Variants in CSNK2A1 observed in about 807,000 individuals in gnomAD.
CSNK2A1 encodes the protein casein kinase II subunit alpha.
Under a neutral mutation model 62.9 loss-of-function variants are expected in CSNK2A1, and 10 were observed. That is an observed-to-expected ratio of 0.16 (90% CI 0.10 to 0.27). The LOEUF (loss-of-function observed/expected upper bound fraction) is 0.27. Among genes scored for constraint, CSNK2A1 ranks in the 10% least tolerant of loss-of-function variants. CSNK2A1 has a pLI of 1.00. For missense variants in CSNK2A1, 160 were observed against 492.0 expected (o/e 0.33, Z 6.38); for synonymous variants, 124 against 167.8 (o/e 0.74, Z 2.02).
Position 476,337 on chromosome 20 carries a change from T to A in CSNK2A1, c.*7624A>T, listed in dbSNP as rs1307018942. 1.3e-5 allele frequency: 2 copies of A among 152,266 alleles called. No individual in the cohort carries two copies. The highest frequency in any genetic ancestry group is 2.9e-5 in the Non-Finnish European group (2 of 68,084). The allele number at this position is 152,266 out of a possible 1,614,324, so 9.4% of individuals were successfully genotyped here. A position where few individuals can be genotyped will look rare whatever the true frequency, so the allele number is the denominator to read the frequency against. On this transcript the variant is annotated 3_prime_UTR_variant, in exon 14 of 14. Coordinates refer to ENST00000217244, the MANE Select transcript of CSNK2A1 (RefSeq NM_177559.3). ...ACACTGACGTGATCTCAGCTCACTGTAACCGCCACCTCCCAGGCTCAAGCA... is the reference window on the plus strand; with the variant it reads ...ACACTGACGTGATCTCAGCTCACTGAAACCGCCACCTCCCAGGCTCAAGCA...
intron 4 of CSNK2A1, chr20:503,153 T>C (rs1316489173): frequency 4.1e-6 from 1 of 243,210 alleles, no homozygotes; most frequent in African/African-American, 2.2e-5. Flanking sequence ...TTGATCCTTT[T>C]TGTTTTTTGA....
At chr20:494,024 A>ATTTTTTTTTTTTTTTTTTTTTTTTTTT (rs1001498563) in intron 8 of CSNK2A1, 1 of 120,696 alleles carries the variant, frequency 8.3e-6, no homozygotes, top group Non-Finnish European at 1.7e-5. Flanking sequence ...ACTTTTCCCC[A>ATTTTTTTTTTTTTTTTTTTTTTTTTTT]TTTTTTTTTT....
intron 8 of CSNK2A1, among the ~76,000 whole-genome samples, chr20:493,761 A>T (rs1444907349): frequency 6.6e-6 from 1 of 152,180 alleles, no homozygotes; most frequent in Non-Finnish European, 1.5e-5. Context: ...CACCACACAC[A>T]TGTCCTGTGT....
intron 2 of CSNK2A1, among the ~76,000 whole-genome samples, chr20:523,797 T>G (rs916569812): frequency 5.0e-5 from 7 of 140,230 alleles, no homozygotes; most frequent in Non-Finnish European, 1.1e-4. Flanking sequence ...AGGCTGAGCT[T>G]GCAGTGAGCT....
In CSNK2A1 at chr20:474,606, T is replaced by A. The variant is rs1012192103; in HGVS notation, c.*9355A>T. The stretch of plus-strand genomic sequence containing the variant: ...TACTGCTACTATCTTAACAATAATT[T>A]AAAAAATCTCAAAATAACATGCAAC... On this transcript the variant is annotated 3_prime_UTR_variant, in exon 14 of 14. Transcript: ENST00000217244. The A allele has an allele frequency of 3.3e-5, 5 of 152,242 alleles. No individual in the cohort carries two copies. The highest frequency in any genetic ancestry group is 4.8e-5 in the African/African-American group (2 of 41,464). 9.4% of individuals were successfully genotyped at this position (152,242 alleles called of 1,614,324 possible). A position where few individuals can be genotyped will look rare whatever the true frequency, so the allele number is the denominator to read the frequency against.
At chr20:542,786 C>T (rs996017810) in intron 1 of CSNK2A1, among the ~76,000 whole-genome samples, 2 of 152,082 alleles carry the variant, frequency 1.3e-5, no homozygotes, top group Non-Finnish European at 2.9e-5. Context: ...AATTAAACAG[C>T]TGAAAAGTAA....
rs1449612392 is a variant in CSNK2A1, at chr20:483,434, A to T, written c.*527T>A. On this transcript the variant is annotated 3_prime_UTR_variant, in exon 14 of 14. Coordinates refer to ENST00000217244, the MANE Select transcript of CSNK2A1 (RefSeq NM_177559.3). ...ATGGAGTAAAGTGATGTAAGCGACC[A>T]GCAAGCAGTCCACTGCTCCTATAGA... 6.6e-6 allele frequency: 1 copy of T among 152,540 alleles called. No individual in the cohort carries two copies. The highest frequency in any genetic ancestry group is 1.5e-5 in the Non-Finnish European group (1 of 68,066). The allele number at this position is 152,540 out of a possible 1,614,324, so 9.4% of individuals were successfully genotyped here.
At chr20:504,627 G>C (rs995626059) in intron 4 of CSNK2A1, 1 of 153,762 alleles carries the variant, frequency 6.5e-6, no homozygotes, top group African/African-American at 2.4e-5. Flanking sequence ...CTGAGAAGCA[G>C]CTAACTCCTT....
chr20:492,526 G>T, intron 8 of CSNK2A1, 162 bp from the exon 9 acceptor site: 1 of 644,794 alleles, frequency 1.6e-6, no homozygotes. Flanking sequence ...TTCTTAGCTT[G>T]ACAAACCTCT....
chr20:487,225 C>T (rs182036466), intron 12 of CSNK2A1: 8 of 674,350 alleles, frequency 1.2e-5, no homozygotes, highest in Admixed American at 1.2e-4. Flanking sequence ...TTTAGGAATG[C>T]TCTTGTGTCA....
chr20:505,297 T>C, intron 3 of CSNK2A1, 68 bp from the exon 4 acceptor site: 1 of 1,113,966 alleles, frequency 9.0e-7, no homozygotes, highest in Non-Finnish European at 1.3e-6. Context: ...TACAGGAATC[T>C]ATTACCAGCA....
At chr20:523,688 G>A (rs918711062) in intron 2 of CSNK2A1, among the ~76,000 whole-genome samples, 9 of 151,518 alleles carry the variant, frequency 5.9e-5, no homozygotes, top group Middle Eastern at 3.2e-3. Context: ...TCAGGAGATC[G>A]AGACCATCCT....
intron 2 of CSNK2A1, among the ~76,000 whole-genome samples, chr20:510,494 A>G (rs917495775): frequency 2.6e-4 from 39 of 152,160 alleles, no homozygotes; most frequent in Non-Finnish European, 1.0e-4. Context: ...GTCTATTGTT[A>G]AGAAATTTTC....
intron 2 of CSNK2A1, among the ~76,000 whole-genome samples, chr20:512,082 G>A (rs999858717): frequency 1.3e-4 from 19 of 151,908 alleles, no homozygotes; most frequent in African/African-American, 4.6e-4. Context: ...TAGAGACAGG[G>A]GTCTTGCTTA....
chr20:539,101 A>C (rs1308423754), intron 1 of CSNK2A1: 1 of 152,242 alleles, frequency 6.6e-6, no homozygotes, highest in Non-Finnish European at 1.5e-5. Context: ...ATGATATCCC[A>C]AAGACTCTAA....
chr20:527,901 C>G (rs2019130930), intron 2 of CSNK2A1, 32 bp downstream of exon 2: 1 of 152,054 alleles, frequency 6.6e-6, no homozygotes, highest in African/African-American at 2.4e-5. Context: ...CCTTTTTAAA[C>G]CAGGGGAAAA....
At position 475,040 on chromosome 20, in the gene CSNK2A1, C is replaced by T. The variant is rs563625196; in HGVS notation, c.*8921G>A. 1.3e-5 allele frequency: 2 copies of T among 152,120 alleles called. No homozygotes were observed. The highest frequency in any genetic ancestry group is 2.4e-5 in the African/African-American group (1 of 41,400). The allele number at this position is 152,120 out of a possible 1,614,324, so 9.4% of individuals were successfully genotyped here. The stretch of plus-strand genomic sequence containing the variant: ...ATAGAGCAAATACAACATTTAGGTA[C>T]CACCCCAATAAACACAACACCGAGG... On this transcript the variant is annotated 3_prime_UTR_variant, in exon 14 of 14. Coordinates refer to ENST00000217244, the MANE Select transcript of CSNK2A1 (RefSeq NM_177559.3).
At position 512,425 on chromosome 20, in the gene CSNK2A1, T is replaced by C. The variant is rs116620164; in HGVS notation, c.-109-3765A>G. ...TTGTTGACGATGCATTTGTTAACTA[T>C]ACTGTTTTTTTGTTGCTTACAAGCT... On this transcript the variant is annotated intron_variant, in intron 2 of 13. Transcript: ENST00000217244. 5.0e-3 allele frequency among the ~76,000 whole-genome samples: 766 copies of C among 152,306 alleles called. 6 individuals are homozygous for C. The highest frequency in any genetic ancestry group is 0.018 in the African/African-American group (746 of 41,532).
At chr20:490,801 G>T (rs1370207769) in intron 9 of CSNK2A1, among the ~76,000 whole-genome samples, 1 of 149,344 alleles carries the variant, frequency 6.7e-6, no homozygotes, top group African/African-American at 2.5e-5. Context: ...CAACTCCTGG[G>T]CTTAGGCCTC....
Sources: gnomAD v4.1 joint callset for allele counts (sites outside exome capture counted in the v4.1 genomes callset) on GRCh38, gnomAD v4.1.1 for gene constraint, MANE v1.5 for transcripts, NCBI Gene and HGNC (gene_info 2026-07-23, HGNC 2026-07-21) for gene names.